AFDN: variants seen among roughly 807,000 people sequenced by gnomAD.
AFDN encodes the protein afadin, adherens junction formation factor.
Under a neutral mutation model 216.6 loss-of-function variants are expected in AFDN, and 68 were observed. The observed-to-expected ratio is 0.31, with a 90% CI of 0.26 to 0.38. The LOEUF (loss-of-function observed/expected upper bound fraction) is 0.38, where lower values mean the gene tolerates loss of function less well. Ranked by LOEUF, AFDN falls within the 10% of genes least tolerant of loss-of-function variation. The pLI is 1.00. For missense variants in AFDN, 2,136 were observed against 2,342.0 expected (o/e 0.91, Z 1.82); for synonymous variants, 868 against 853.7 (o/e 1.02, Z -0.29).
In AFDN at chr6:167,965,817, G is replaced by A. The variant is rs775557117; in HGVS notation, c.5029G>A (p.Glu1677Lys). The change falls in exon 32 of 34, where the codon GAG becomes AAG. Residue 1677 changes from glutamate (E) to lysine (K), a missense_variant. Transcript: ENST00000683244. ...AGCCGAGAGGCGCAGACAGCACGAC[G>A]AGGCGGCGCGCAGGTTGCTGGAGCC... ...LEAERRRQHD[E>K]AARRLLEPEA... 10 of 1,562,178 alleles carry A rather than the reference G, an allele frequency of 6.4e-6. No homozygotes were observed. The highest frequency in any genetic ancestry group is 1.9e-5 in the Admixed American group (1 of 52,720).
chr6:167,889,669 T>G (rs932962302), intron 7 of AFDN, among the ~76,000 whole-genome samples: 3 of 152,210 alleles, frequency 2.0e-5, no homozygotes, highest in African/African-American at 7.2e-5. Flanking sequence ...TTCTGCCTCC[T>G]TCATTAACTT....
In AFDN at chr6:167,956,096, C is replaced by T. The variant is rs1010890173; in HGVS notation, c.4833+3909C>T. On this transcript the variant is annotated intron_variant, in intron 30 of 33. Transcript: ENST00000683244. ...CACCACTGCACTCCAGCCTGGGGAACAGAGCGAGACTTTGGCTCAAAAAAA... is the reference window on the plus strand; with the variant it reads ...CACCACTGCACTCCAGCCTGGGGAATAGAGCGAGACTTTGGCTCAAAAAAA... 9.1e-5 allele frequency among the ~76,000 whole-genome samples: 9 copies of T among 99,314 alleles called. No homozygotes were observed. The East Asian group carries it at 3.1e-3, about 34-fold the overall frequency. 65.2% of individuals were successfully genotyped at this position (99,314 alleles called of 152,430 possible).
chr6:167,833,779 ACT>A (rs1353738947), intron 1 of AFDN, among the ~76,000 whole-genome samples: 1 of 152,108 alleles, frequency 6.6e-6, no homozygotes, highest in Non-Finnish European at 1.5e-5. Context: ...CAATATGGTC[ACT>A]CTCAGACACT....
At chr6:167,872,103 G>A (rs1784859607) in intron 3 of AFDN, 111 bp from the exon 4 acceptor site, 1 of 1,007,082 alleles carries the variant, frequency 9.9e-7, no homozygotes, top group African/African-American at 1.6e-5. Flanking sequence ...CTGTGTTTCA[G>A]TAGCTTTGTT....
chr6:167,851,533 A>C (rs1782306121), intron 1 of AFDN, among the ~76,000 whole-genome samples: 1 of 152,200 alleles, frequency 6.6e-6, no homozygotes, highest in South Asian at 2.1e-4. Flanking sequence ...ATTTGTAGAC[A>C]GGAAGTAATA....
intron 17 of AFDN, 64 bp downstream of exon 17, chr6:167,914,377 A>C: frequency 6.4e-7 from 1 of 1,562,572 alleles, no homozygotes; most frequent in African/African-American, 1.4e-5. Flanking sequence ...TTTCTTATTC[A>C]GTTTTCCAAA....
chr6:167,942,544 A>G (rs925585681), intron 23 of AFDN, among the ~76,000 whole-genome samples: 2 of 152,208 alleles, frequency 1.3e-5, no homozygotes, highest in African/African-American at 2.4e-5. Context: ...AAACAATTAT[A>G]TATAGAACTT....
intron 27 of AFDN, among the ~76,000 whole-genome samples, chr6:167,947,400 C>T (rs368234067): frequency 5.9e-5 from 9 of 152,220 alleles, no homozygotes; most frequent in African/African-American, 9.6e-5. Flanking sequence ...AGGATGGTCT[C>T]GATCTCCTGA....
At chr6:167,873,745 GTTA>G (rs1785037377) in intron 4 of AFDN, among the ~76,000 whole-genome samples, 1 of 152,154 alleles carries the variant, frequency 6.6e-6, no homozygotes, top group Admixed American at 6.5e-5. Flanking sequence ...AATTGAATTT[GTTA>G]TTAATAAGGC....
chr6:167,917,303 A>G, intron 20 of AFDN, 71 bp downstream of exon 20: 1 of 1,361,710 alleles, frequency 7.3e-7, no homozygotes, highest in Non-Finnish European at 9.7e-7. Flanking sequence ...ATGAAAAAAC[A>G]AAAGGAAATC....
At chr6:167,874,386 A>T (rs1785112545) in intron 4 of AFDN, among the ~76,000 whole-genome samples, 1 of 152,142 alleles carries the variant, frequency 6.6e-6, no homozygotes, top group Admixed American at 6.5e-5. Context: ...ATGATGAAAA[A>T]TTGTGTCTTT....
chr6:167,954,661 A>G (rs906949060), intron 30 of AFDN, among the ~76,000 whole-genome samples: 1 of 151,986 alleles, frequency 6.6e-6, no homozygotes. Flanking sequence ...ATGTTCCTAG[A>G]TTTAGTTACT....
At chr6:167,943,708 A>T (rs1794957306) in intron 25 of AFDN, among the ~76,000 whole-genome samples, 1 of 152,134 alleles carries the variant, frequency 6.6e-6, no homozygotes, top group Non-Finnish European at 1.5e-5. Context: ...AAATTTCTGA[A>T]TATTATCTTA....
intron 23 of AFDN, 118 bp downstream of exon 23, chr6:167,925,209 T>C: frequency 1.4e-6 from 1 of 713,304 alleles, no homozygotes; most frequent in South Asian, 1.7e-5. Context: ...GCCTGTTCAG[T>C]TCTGTTTCTG....
At chr6:167,887,799 T>C (rs1787055714) in intron 6 of AFDN, among the ~76,000 whole-genome samples, 1 of 152,166 alleles carries the variant, frequency 6.6e-6, no homozygotes, top group Admixed American at 6.5e-5. Context: ...TCTTATTCTT[T>C]ATTCATTATT....
At position 167,896,961 on chromosome 6, in the gene AFDN, A is replaced by G. The variant is rs1360508547; in HGVS notation, c.1306A>G (p.Asn436Asp). 5.0e-6 allele frequency: 8 copies of G among 1,607,734 alleles called. No individual in the cohort carries two copies. The highest frequency in any genetic ancestry group is 6.8e-6 in the Non-Finnish European group (8 of 1,174,394). The change falls in exon 10 of 34, where the codon AAC becomes GAC. Residue 436 changes from asparagine (N) to aspartate (D), a missense_variant. By Grantham distance (23) the Asn-to-Asp change is conservative (BLOSUM62 1). This residue lies in a region of AFDN where 817 missense variants were observed against 965.7 expected (regional missense o/e 0.85). Transcript: ENST00000683244. ...AGTTGGGACAGAAAAGTTGGATGAC[A>G]ACTCTATCCAGGTACGTAGTCTGAG... ...TEVGTEKLDD[N>D]SIQLFGPGIQ... is the part of the protein sequence containing the mutation.
intron 7 of AFDN, 68 bp from the exon 8 acceptor site, chr6:167,890,794 A>C (rs532623197): frequency 1.1e-4 from 170 of 1,481,328 alleles, no homozygotes; most frequent in Middle Eastern, 2.2e-4. Context: ...TGCACAGTTG[A>C]CTGCCAGTCA....
chr6:167,864,464 G>A (rs1404768318), intron 1 of AFDN, 87 bp from the exon 2 acceptor site: 2 of 1,272,776 alleles, frequency 1.6e-6, no homozygotes, highest in Non-Finnish European at 2.3e-6. Flanking sequence ...TTAAAAAAGT[G>A]AACAGACTTC....
Position 167,902,362 on chromosome 6 carries a change from T to C in AFDN, c.1626T>C (p.Ser542=). ...TTFDLGGDIH[S]GTALPTSKST... ...TTGATTTGGGAGGAGATATTCATAGTGGGACAGCATTACCGACAAGCAAGG... is the reference window on the plus strand; with the variant it reads ...TTGATTTGGGAGGAGATATTCATAGCGGGACAGCATTACCGACAAGCAAGG... The change falls in exon 12 of 34, where the codon AGT becomes AGC. Residue 542 remains serine, a synonymous_variant. Coordinates refer to ENST00000683244, the MANE Select transcript of AFDN (RefSeq NM_001386888.1). 2 of 1,612,828 alleles carry C rather than the reference T, an allele frequency of 1.2e-6. No individual in the cohort carries two copies. The highest frequency in any genetic ancestry group is 2.2e-5 in the South Asian group (2 of 91,054).
Sources: allele counts gnomAD v4.1 joint callset (sites outside exome capture counted in the v4.1 genomes callset), GRCh38; gene constraint gnomAD v4.1.1; regional missense constraint gnomAD v4.1.1; transcripts MANE v1.5; gene names NCBI Gene and HGNC (gene_info 2026-07-23, HGNC 2026-07-21).